The following GALNT17 variants were observed in gnomAD, a reference collection of about 807,000 sequenced individuals.
GALNT17 encodes the protein UDP-GalNAc:polypeptide N-acetylgalactosaminyltransferase-like 3.
In GALNT17, 29 loss-of-function variants were observed where a neutral mutation model predicts 63.7. The ratio of observed to expected loss-of-function variants is 0.46; its 90% CI spans 0.34 to 0.62. The LOEUF is 0.62. Among genes scored for constraint, GALNT17 ranks in the 20% least tolerant of loss-of-function variants. The pLI is 0.01. For missense variants in GALNT17, 603 were observed against 799.6 expected, an observed-to-expected ratio of 0.75 and a Z score of 2.97; for synonymous variants, 305 against 318.3, an observed-to-expected ratio of 0.96 and a Z score of 0.45.
chr7:71,386,404 C>T (rs969639325), intron 2 of GALNT17, among the ~76,000 whole-genome samples: 1 of 152,172 alleles, frequency 6.6e-6, no homozygotes, highest in Non-Finnish European at 1.5e-5. Flanking sequence ...ATTGTGCAAT[C>T]TCCCATAAGG....
intron 2 of GALNT17, among the ~76,000 whole-genome samples, chr7:71,355,263 G>A (rs1173992932): frequency 6.6e-6 from 1 of 151,986 alleles, no homozygotes; most frequent in Non-Finnish European, 1.5e-5. Context: ...TTTCCTTTCT[G>A]AAAAGCATTC....
intron 6 of GALNT17, among the ~76,000 whole-genome samples, chr7:71,661,525 T>C (rs1790907384): frequency 6.6e-6 from 1 of 152,068 alleles, no homozygotes; most frequent in South Asian, 2.1e-4. Context: ...CTAATGACAG[T>C]TCATGTTTAG....
chr7:71,203,205 T>C (rs1351971135), intron 1 of GALNT17, among the ~76,000 whole-genome samples: 1 of 152,218 alleles, frequency 6.6e-6, no homozygotes. Flanking sequence ...CCATTTTTAA[T>C]TTTTTGAGGA....
chr7:71,554,449 C>T (rs889406485), intron 5 of GALNT17, among the ~76,000 whole-genome samples: 1 of 152,188 alleles, frequency 6.6e-6, no homozygotes, highest in Admixed American at 6.5e-5. Context: ...TCCTTTATAA[C>T]TTACCCAGTC....
At chr7:71,390,245 C>T (rs1793026037) in intron 3 of GALNT17, among the ~76,000 whole-genome samples, 1 of 152,118 alleles carries the variant, frequency 6.6e-6, no homozygotes. Context: ...GGAGGCAATG[C>T]CACGGGTCCT....
Position 71,278,966 on chromosome 7 carries a change from G to A in GALNT17, c.239-56584G>A, listed in dbSNP as rs139202530. On this transcript the variant is annotated intron_variant, in intron 1 of 10. Coordinates refer to ENST00000333538, the MANE Select transcript of GALNT17 (RefSeq NM_022479.3). Reference sequence around the variant, plus strand: ...AATTGAGATGGAGTCTCGCTATGTCGCCAGGCTAGAGTGTATTAGCGCAAT... The same window carrying A: ...AATTGAGATGGAGTCTCGCTATGTCACCAGGCTAGAGTGTATTAGCGCAAT... Among the ~76,000 whole-genome samples the A allele has an allele frequency of 4.9e-4, 73 of 149,006 alleles. No individual in the cohort carries two copies. In the East Asian group the frequency reaches 5.4e-3, roughly 11 times the overall value.
chr7:71,623,929 G>A (rs1790333607), intron 6 of GALNT17, among the ~76,000 whole-genome samples: 1 of 152,104 alleles, frequency 6.6e-6, no homozygotes, highest in South Asian at 2.1e-4. Context: ...CCAAAACATG[G>A]ATCTATAGTG....
At chr7:71,221,383 CTTTTTTTTTTTT>C (rs33954579) in intron 1 of GALNT17, among the ~76,000 whole-genome samples, 3 of 110,900 alleles carry the variant, frequency 2.7e-5, no homozygotes, top group African/African-American at 1.1e-4. Flanking sequence ...TACAGCCATG[CTTTTTTTTTTTT>C]TTTTTTTTTT....
chr7:71,354,672 TTCTCTC>T (rs375745075), intron 2 of GALNT17, among the ~76,000 whole-genome samples: 2 of 151,618 alleles, frequency 1.3e-5, no homozygotes, highest in African/African-American at 4.8e-5. Context: ...TTGTAATTCA[TTCTCTC>T]TCTCTCTGCT....
chr7:71,698,306 G>A lies in GALNT17; in HGVS notation c.1501-12455G>A, dbSNP rs182367231. Among the ~76,000 whole-genome samples the A allele has an allele frequency of 3.1e-4, 47 of 152,220 alleles. 1 individual carries two copies. Among genetic ancestry groups the A allele is most frequent in the Non-Finnish European group, 2.8e-4 (19 of 68,006 alleles). ...TACTGTAGGAAAAAGGAAAATGACT[G>A]CAGAAGGATGTCTTGAGGCAAGAAT... On this transcript the variant is annotated intron_variant, in intron 9 of 10. Transcript: ENST00000333538.
chr7:71,226,482 A>G (rs1199411480), intron 1 of GALNT17, among the ~76,000 whole-genome samples: 1 of 150,350 alleles, frequency 6.7e-6, no homozygotes, highest in East Asian at 2.0e-4. Context: ...GGGCATGATG[A>G]GGTTGGCTTT....
intron 6 of GALNT17, among the ~76,000 whole-genome samples, chr7:71,572,514 A>AAC (rs1554310740): frequency 0.039 from 5,413 of 138,146 alleles, 169 homozygotes; most frequent in Non-Finnish European, 0.058. Context: ...TAAAAAAAAA[A>AAC]AAAAAAAAAA....
chr7:71,708,619 C>G (rs1791751841), intron 9 of GALNT17, among the ~76,000 whole-genome samples: 2 of 152,140 alleles, frequency 1.3e-5, no homozygotes. Flanking sequence ...GGGTGTATTG[C>G]ATGATGCTGA....
chr7:71,686,155 A>G (rs2117085744), intron 9 of GALNT17, among the ~76,000 whole-genome samples: 1 of 152,062 alleles, frequency 6.6e-6, no homozygotes, highest in East Asian at 1.9e-4. Context: ...GGGTTTCACC[A>G]TGTTAGCCAG....
rs112482401 is a variant in GALNT17 at position 71,635,959 on chromosome 7, C to A, written c.1081-29452C>A. ...CAGCCTGTTTTATCAGCAAGGTCTT[C>A]ATGACCTGTATCTTGTGCCAACCTC... On this transcript the variant is annotated intron_variant, in intron 6 of 10. Transcript: ENST00000333538. Among the ~76,000 whole-genome samples, 502 of 152,280 alleles carry A rather than the reference C, an allele frequency of 3.3e-3. 5 individuals carry two copies. Among genetic ancestry groups the A allele is most frequent in the African/African-American group, 0.011 (474 of 41,560 alleles).
intron 6 of GALNT17, among the ~76,000 whole-genome samples, chr7:71,595,700 CA>C (rs1453196691): frequency 2.0e-5 from 3 of 146,470 alleles, no homozygotes; most frequent in African/African-American, 7.9e-5. Flanking sequence ...CACACACACA[CA>C]CACCATATTG....
intron 5 of GALNT17, among the ~76,000 whole-genome samples, chr7:71,451,748 T>C (rs1368609100): frequency 6.6e-6 from 1 of 152,168 alleles, no homozygotes; most frequent in African/African-American, 2.4e-5. Flanking sequence ...AGTGTTTGAG[T>C]TGTCACTGTT....
At chr7:71,621,212 T>C (rs1394511604) in intron 6 of GALNT17, among the ~76,000 whole-genome samples, 2 of 149,322 alleles carry the variant, frequency 1.3e-5, no homozygotes, top group African/African-American at 4.9e-5. Context: ...TCTGAGCGCC[T>C]TTTTTTTTTC....
chr7:71,431,194 T>TTTTTC (rs1235669596), intron 5 of GALNT17, among the ~76,000 whole-genome samples: 6 of 136,876 alleles, frequency 4.4e-5, no homozygotes, highest in South Asian at 2.3e-4. Flanking sequence ...TGAGTATTTT[T>TTTTTC]TTTTCTTTTC....
Sources: gnomAD v4.1 joint callset for allele counts (sites outside exome capture counted in the v4.1 genomes callset) on GRCh38, gnomAD v4.1.1 for gene constraint, MANE v1.5 for transcripts, NCBI Gene and HGNC (gene_info 2026-07-23, HGNC 2026-07-21) for gene names.